The following SETDB2 variants were observed in gnomAD, a reference collection of about 807,000 sequenced individuals.
The protein encoded by SETDB2 is histone-lysine N-methyltransferase SETDB2.
Under a neutral mutation model 82.5 loss-of-function variants are expected in SETDB2, and 56 were observed. The observed-to-expected ratio is 0.68, with a 90% confidence interval of 0.55 to 0.85. SETDB2 has a LOEUF of 0.85. Among genes scored for constraint, SETDB2 ranks in the 40% least tolerant of loss-of-function variants. The pLI, the probability that SETDB2 is intolerant of heterozygous loss-of-function variation, is 0.00. For synonymous variants in SETDB2, 272 were observed against 284.9 expected, an observed-to-expected ratio of 0.95 and a Z score of 0.46; for missense variants, 677 against 816.4, an observed-to-expected ratio of 0.83 and a Z score of 2.08.
intron 4 of SETDB2, among the ~76,000 whole-genome samples, chr13:49,465,272 A>G (rs1201642498): frequency 6.6e-6 from 1 of 152,162 alleles, no homozygotes; most frequent in Non-Finnish European, 1.5e-5. Context: ...CTCCATATGA[A>G]GGACTGGATA....
intron 12 of SETDB2, among the ~76,000 whole-genome samples, chr13:49,490,557 G>T (rs971259345): frequency 6.6e-6 from 1 of 152,118 alleles, no homozygotes; most frequent in Non-Finnish European, 1.5e-5. Context: ...AAAGACAAAT[G>T]CATTTATAAT....
chr13:49,491,595 C>A, intron 13 of SETDB2, 137 bp from the exon 14 acceptor site: 6 of 630,494 alleles, frequency 9.5e-6, no homozygotes, highest in Non-Finnish European at 1.7e-5. Context: ...AAGGTCATTC[C>A]TAATTGGTGG....
At chr13:49,460,708 ATCC>A (rs1957975881) in intron 3 of SETDB2, among the ~76,000 whole-genome samples, 1 of 152,134 alleles carries the variant, frequency 6.6e-6, no homozygotes, top group Non-Finnish European at 1.5e-5. Context: ...TGAAGATGAA[ATCC>A]TCCTTCAATC....
chr13:49,449,779 C>T (rs950917979), intron 1 of SETDB2, among the ~76,000 whole-genome samples: 1 of 152,136 alleles, frequency 6.6e-6, no homozygotes, highest in African/African-American at 2.4e-5. Flanking sequence ...ATTTTTCTTT[C>T]ATTTGTTATT....
At chr13:49,488,183 G>T in intron 11 of SETDB2, 107 bp from the exon 12 acceptor site, 1 of 1,443,218 alleles carries the variant, frequency 6.9e-7, no homozygotes, top group Non-Finnish European at 9.1e-7. Context: ...CTAACACATT[G>T]TAAGGATCGA....
At chr13:49,472,015 C>G (rs867591628) in intron 5 of SETDB2, among the ~76,000 whole-genome samples, 4 of 150,018 alleles carry the variant, frequency 2.7e-5, no homozygotes, top group Admixed American at 6.7e-5. Context: ...AATGAATCCT[C>G]CCACCTCGGC....
At chr13:49,462,312 G>GTA (rs903380099) in intron 4 of SETDB2, among the ~76,000 whole-genome samples, 17 of 152,296 alleles carry the variant, frequency 1.1e-4, no homozygotes, top group Admixed American at 1.1e-3. Context: ...CCATTCTGAA[G>GTA]CTGTCTAGGG....
At chr13:49,478,009 C>T (rs576364374) in intron 6 of SETDB2, among the ~76,000 whole-genome samples, 11 of 152,178 alleles carry the variant, frequency 7.2e-5, no homozygotes, top group South Asian at 4.1e-4. Flanking sequence ...AGTGGTGTTG[C>T]ATTATATGTA....
chr13:49,458,992 C>T (rs550988991), intron 2 of SETDB2, among the ~76,000 whole-genome samples: 1 of 152,228 alleles, frequency 6.6e-6, no homozygotes, highest in Non-Finnish European at 1.5e-5. Flanking sequence ...AGCACCAGTT[C>T]TCATCCATTT....
intron 8 of SETDB2, chr13:49,482,422 A>G (rs1184856206): frequency 1.7e-6 from 1 of 602,526 alleles, no homozygotes; most frequent in Non-Finnish European, 2.1e-6. Context: ...TTATGGCTAG[A>G]GTCATCTCTC....
At chr13:49,482,572 T>C (rs1958500963) in intron 8 of SETDB2, among the ~76,000 whole-genome samples, 165 bp from the exon 9 acceptor site, 1 of 152,164 alleles carries the variant, frequency 6.6e-6, no homozygotes, top group Non-Finnish European at 1.5e-5. Context: ...ATAAGAAATA[T>C]CACATTGGTC....
chr13:49,446,348 G>A (rs1194085609), intron 1 of SETDB2: 1 of 454,284 alleles, frequency 2.2e-6, no homozygotes, highest in Non-Finnish European at 4.4e-6. Flanking sequence ...TTTCCTTCTT[G>A]AAAGTTCGTA....
chr13:49,444,341 G>A lies in SETDB2; in HGVS notation c.-858G>A. On this transcript the variant is annotated 5_prime_UTR_variant, in exon 1 of 14. Coordinates refer to ENST00000611815, the MANE Select transcript of SETDB2 (RefSeq NM_001160308.3). ...ACTGTTGTGGTTGAGATGAAGGCTA[G>A]TAAATGGTGAAGTACTTCCCGGCCA... 1 of 258,018 alleles carries A rather than the reference G, an allele frequency of 3.9e-6. No homozygotes were observed. Among genetic ancestry groups the A allele is most frequent in the Non-Finnish European group, 7.8e-6 (1 of 127,814 alleles). 16.0% of individuals were successfully genotyped at this position (258,018 alleles called of 1,614,324 possible).
At position 49,482,982 on chromosome 13, in the gene SETDB2, C is replaced by A. The variant is rs777777857; in HGVS notation, c.1382+20C>A. The stretch of plus-strand genomic sequence containing the variant: ...TACTGTGTAAGTAACAGCTGAGGAA[C>A]CCAGAGTAAATCTAAATTATTATCA... On this transcript the variant is annotated intron_variant, in intron 9 of 13. Coordinates refer to ENST00000611815, the MANE Select transcript of SETDB2 (RefSeq NM_001160308.3). The A allele has an allele frequency of 2.8e-6, 4 of 1,423,478 alleles. No homozygotes were observed. In the South Asian group the frequency reaches 4.9e-5, roughly 17 times the overall value. The allele number at this position is 1,423,478 out of a possible 1,614,324, so 88.2% of individuals were successfully genotyped here. A position where few individuals can be genotyped will look rare whatever the true frequency, so the allele number is the denominator to read the frequency against.
At chr13:49,477,719 A>C (rs953236875) in intron 6 of SETDB2, among the ~76,000 whole-genome samples, 1 of 152,238 alleles carries the variant, frequency 6.6e-6, no homozygotes, top group African/African-American at 2.4e-5. Flanking sequence ...AGTGTTATAC[A>C]TGAGGAAGTT....
rs778049169 is a variant in SETDB2, at chr13:49,483,583, G to A, written c.1482+20G>A. On this transcript the variant is annotated intron_variant, in intron 10 of 13. Coordinates refer to ENST00000611815, the MANE Select transcript of SETDB2 (RefSeq NM_001160308.3). Reference sequence around the variant, plus strand: ...AAAATGGTAAAAAATGCAAAATGTAGTTGGGACCCTTCTTTTCTTTTTTAA... The same window carrying A: ...AAAATGGTAAAAAATGCAAAATGTAATTGGGACCCTTCTTTTCTTTTTTAA... The A allele has an allele frequency of 2.6e-5, 18 of 701,772 alleles. No individual in the cohort carries two copies. Among genetic ancestry groups the A allele is most frequent in the African/African-American group, 4.0e-5 (2 of 50,424 alleles). 43.5% of individuals were successfully genotyped at this position (701,772 alleles called of 1,614,324 possible).
In SETDB2 at chr13:49,490,842, C is replaced by G; in HGVS notation, c.1938C>G (p.Leu646=). 2 of 1,612,442 alleles carry G rather than the reference C, an allele frequency of 1.2e-6. No individual in the cohort carries two copies. The highest frequency in any genetic ancestry group is 1.7e-6 in the Non-Finnish European group (2 of 1,178,916). The change falls in exon 13 of 14, where the codon CTC becomes CTG. Residue 646 remains leucine, a synonymous_variant. Transcript: ENST00000611815. ...RFLNHSCCPN[L]LVQNVFVETH... ...AACAGCATAGTTGTTGCCCAAATCT[C>G]TTGGTACAGAATGTTTTTGTAGAAA...
intron 6 of SETDB2, among the ~76,000 whole-genome samples, chr13:49,477,696 T>C (rs2138946309): frequency 6.6e-6 from 1 of 152,290 alleles, no homozygotes; most frequent in Admixed American, 6.5e-5. Flanking sequence ...CCATGAGGTA[T>C]AGGTAATATC....
chr13:49,486,407 C>T (rs1049669707), intron 11 of SETDB2, among the ~76,000 whole-genome samples: 3 of 152,134 alleles, frequency 2.0e-5, no homozygotes, highest in African/African-American at 7.2e-5. Context: ...CAACAGAGAC[C>T]ACCACATGGC....
Sources: gnomAD v4.1 joint callset for allele counts (sites outside exome capture counted in the v4.1 genomes callset) on GRCh38, gnomAD v4.1.1 for gene constraint, MANE v1.5 for transcripts, NCBI Gene and HGNC (gene_info 2026-07-23, HGNC 2026-07-21) for gene names.